OSBPL10: variants seen among roughly 807,000 people sequenced by gnomAD.
OSBPL10 encodes the protein oxysterol-binding protein-related protein 10.
A neutral mutation model predicts 81.7 loss-of-function variants in OSBPL10; 49 were observed. That is an observed-to-expected ratio of 0.60 (90% CI 0.48 to 0.76). The LOEUF (loss-of-function observed/expected upper bound fraction) is 0.76, where lower values mean the gene tolerates loss of function less well. Ranked by LOEUF, OSBPL10 falls within the 30% of genes least tolerant of loss-of-function variation. The pLI, the probability that OSBPL10 is intolerant of heterozygous loss-of-function variation, is 0.00. For missense variants in OSBPL10, 923 were observed against 987.8 expected (o/e 0.93, Z 0.88); for synonymous variants, 419 against 383.6 (o/e 1.09, Z -1.08).
intron 4 of OSBPL10, among the ~76,000 whole-genome samples, chr3:31,793,108 C>T: frequency 6.6e-6 from 1 of 152,100 alleles, no homozygotes; most frequent in East Asian, 1.9e-4. Flanking sequence ...CTATTTCCCA[C>T]AGCCTTTTAT....
intron 1 of OSBPL10, among the ~76,000 whole-genome samples, chr3:31,905,345 A>ATTTTTTTTTTTTTT (rs386396290): frequency 5.3e-5 from 5 of 94,860 alleles, no homozygotes; most frequent in Admixed American, 1.4e-4. Context: ...GAACCTGGTG[A>ATTTTTTTTTTTTTT]TTTTTTTTTT....
At chr3:31,696,635 G>A (rs1031308764) in intron 7 of OSBPL10, among the ~76,000 whole-genome samples, 3 of 152,186 alleles carry the variant, frequency 2.0e-5, no homozygotes, top group African/African-American at 7.2e-5. Context: ...TTACTTCACT[G>A]GCTGAACCTT....
At chr3:31,989,404 A>G (rs1559543963) in intron 2 of OSBPL10, 1 of 1,614,234 alleles carries the variant, frequency 6.2e-7, no homozygotes, top group Non-Finnish European at 8.5e-7. Context: ...TGGGAAAGAT[A>G]TTCATGACTT....
At chr3:31,989,178 C>G (rs763615071) in intron 2 of OSBPL10, 1 of 1,614,110 alleles carries the variant, frequency 6.2e-7, no homozygotes, top group Non-Finnish European at 8.5e-7. Context: ...CTATAGAATT[C>G]TCTTTGGAGG....
intron 6 of OSBPL10, chr3:31,714,093 T>C (rs1292625068): frequency 6.6e-6 from 1 of 152,190 alleles, no homozygotes; most frequent in Non-Finnish European, 1.5e-5. Flanking sequence ...AGCAACGATA[T>C]GATTGCACAC....
At chr3:31,906,265 C>T (rs1220868196) in intron 1 of OSBPL10, among the ~76,000 whole-genome samples, 1 of 152,112 alleles carries the variant, frequency 6.6e-6, no homozygotes, top group African/African-American at 2.4e-5. Flanking sequence ...CACAAGCAGA[C>T]TAGAGCCAAA....
At chr3:32,043,498 G>A (rs1479257908) in intron 2 of OSBPL10, among the ~76,000 whole-genome samples, 1 of 152,196 alleles carries the variant, frequency 6.6e-6, no homozygotes, top group Non-Finnish European at 1.5e-5. Context: ...ACAGGATTAA[G>A]AGATTAAAGT....
At chr3:31,866,304 T>C (rs1701179029) in intron 3 of OSBPL10, among the ~76,000 whole-genome samples, 1 of 152,068 alleles carries the variant, frequency 6.6e-6, no homozygotes. Flanking sequence ...TTTCTCAATG[T>C]CCCCAAACAG....
At chr3:31,919,557 C>T (rs929700106) in intron 1 of OSBPL10, 1 of 152,186 alleles carries the variant, frequency 6.6e-6, no homozygotes, top group Non-Finnish European at 1.5e-5. Context: ...CAAGATGACA[C>T]CTTCTAGAAT....
chr3:31,706,784 TAC>T (rs1696080232), intron 6 of OSBPL10, among the ~76,000 whole-genome samples: 1 of 152,252 alleles, frequency 6.6e-6, no homozygotes, highest in African/African-American at 2.4e-5. Flanking sequence ...GTAATGTAAC[TAC>T]AGTTTGTGTC....
At chr3:31,886,712 C>T (rs372823056) in intron 1 of OSBPL10, among the ~76,000 whole-genome samples, 9 of 152,112 alleles carry the variant, frequency 5.9e-5, no homozygotes, top group South Asian at 2.1e-4. Flanking sequence ...GAGGCTGAGG[C>T]GGGCGGATCA....
rs386396290 is a variant in OSBPL10, at chr3:31,905,345, A to ATTTTTTTTT, written c.282-25524_282-25516dup. Among the ~76,000 whole-genome samples, 21 of 94,818 alleles carry ATTTTTTTTT rather than the reference A, an allele frequency of 2.2e-4. 3 individuals carry two copies. The highest frequency in any genetic ancestry group is 7.5e-4 in the African/African-American group (16 of 21,288). The allele number at this position is 94,818 out of a possible 152,430, so 62.2% of individuals were successfully genotyped here. ...GAGCTCTATGTCAAGGAACCTGGTG[A>ATTTTTTTTT]TTTTTTTTTTTTTTTTTTTTTTTAG... On this transcript the variant is annotated intron_variant, in intron 1 of 11. Transcript: ENST00000396556.
intron 2 of OSBPL10, among the ~76,000 whole-genome samples, chr3:32,015,269 T>A (rs79964354): frequency 6.6e-6 from 1 of 151,972 alleles, no homozygotes; most frequent in Non-Finnish European, 1.5e-5. Flanking sequence ...TGGAACAGAA[T>A]AGAGCCCTCA....
chr3:31,723,868 C>T (rs921095452), intron 6 of OSBPL10, among the ~76,000 whole-genome samples: 8 of 152,104 alleles, frequency 5.3e-5, no homozygotes, highest in African/African-American at 1.9e-4. Context: ...GAAAATAAAT[C>T]ACTTTTAGAA....
At chr3:31,759,329 G>T (rs1432231304) in intron 4 of OSBPL10, among the ~76,000 whole-genome samples, 4 of 152,060 alleles carry the variant, frequency 2.6e-5, no homozygotes, top group Non-Finnish European at 4.4e-5. Context: ...AGATCGAGTA[G>T]CACTTACCTC....
At chr3:31,832,940 C>T (rs1028133909) in intron 3 of OSBPL10, among the ~76,000 whole-genome samples, 4 of 152,080 alleles carry the variant, frequency 2.6e-5, no homozygotes, top group African/African-American at 7.2e-5. Flanking sequence ...AGGAGTGGGG[C>T]GAGAGCCAGG....
At chr3:31,958,209 A>G (rs1238078123) in intron 1 of OSBPL10, among the ~76,000 whole-genome samples, 5 of 152,208 alleles carry the variant, frequency 3.3e-5, no homozygotes, top group African/African-American at 1.2e-4. Context: ...ATAGCCAATT[A>G]CCTGATTTAC....
rs187455431 is a variant in OSBPL10 at position 31,870,220 on chromosome 3, C to T, written c.537+6213G>A. 4.3e-4 allele frequency among the ~76,000 whole-genome samples: 66 copies of T among 152,352 alleles called. No homozygotes were observed. The South Asian group carries it at 6.2e-3, about 14-fold the overall frequency. On this transcript the variant is annotated intron_variant, in intron 3 of 11. Transcript: ENST00000396556. ...TGGAGGGCCCCGCACTCCGAGCAGC[C>T]GGCGGGCCTCCCGGCCCGGGCAGTG...
intron 8 of OSBPL10, 114 bp from the exon 9 acceptor site, chr3:31,671,097 C>T: frequency 1.1e-5 from 11 of 1,015,298 alleles, no homozygotes; most frequent in Non-Finnish European, 1.6e-5. Flanking sequence ...GTCACATCTC[C>T]CACCTCTGCA....
Sources: gnomAD v4.1 joint callset for allele counts (sites outside exome capture counted in the v4.1 genomes callset) on GRCh38, gnomAD v4.1.1 for gene constraint, MANE v1.5 for transcripts, NCBI Gene and HGNC (gene_info 2026-07-23, HGNC 2026-07-21) for gene names.